The following AGRN variants were observed in gnomAD, a reference collection of about 807,000 sequenced individuals.
AGRN encodes agrin.
In AGRN, 106 loss-of-function variants were observed where a neutral mutation model predicts 211.0. The observed-to-expected ratio is 0.50, with a 90% CI of 0.43 to 0.59. The LOEUF (loss-of-function observed/expected upper bound fraction) is 0.59, where lower values mean the gene tolerates loss of function less well. AGRN is among the 20% of genes least tolerant of loss of function. The pLI is 0.00. For missense variants in AGRN, 3,040 were observed against 2,982.6 expected (o/e 1.02, Z -0.45); for synonymous variants, 1,525 against 1,332.5 (o/e 1.14, Z -3.15).
At chr1:1,028,596 G>GGGCCT (rs1184589499) in intron 2 of AGRN, among the ~76,000 whole-genome samples, 1 of 121,348 alleles carries the variant, frequency 8.2e-6, no homozygotes, top group South Asian at 3.1e-4. Context: ...GCCCCTCGTG[G>GGGCCT]GCCAAGGGCG....
At chr1:1,052,179 T>A in intron 33 of AGRN, 2 of 859,734 alleles carry the variant, frequency 2.3e-6, no homozygotes, top group Non-Finnish European at 3.3e-6. Context: ...GCCTCAGAAG[T>A]GCAGTCGCCC....
Position 1,046,211 on chromosome 1 carries a change from A to G in AGRN, c.2857A>G (p.Ile953Val). 6.2e-7 allele frequency: 1 copy of G among 1,613,600 alleles called. No individual in the cohort carries two copies. Among genetic ancestry groups the G allele is most frequent in the Non-Finnish European group, 8.5e-7 (1 of 1,179,974 alleles). ...CGGCAACGAGTGTCAGCTGAAGACC[A>G]TCGCCTGCCGCCAGGGCCTGCAAAT... ...TYGNECQLKT[I>V]ACRQGLQISI... Residue 953 changes from isoleucine (I) to valine (V), a missense_variant, in exon 17 of 36, where the codon ATC (isoleucine) becomes GTC (valine). Around this residue, in one of 3 missense-constraint regions of AGRN, gnomAD observed 1,498 missense variants for 1,457.8 expected, o/e 1.03. Coordinates refer to ENST00000379370, the MANE Select transcript of AGRN (RefSeq NM_198576.4).
intron 2 of AGRN, chr1:1,034,301 C>A: frequency 1.0e-6 from 1 of 985,260 alleles, no homozygotes; most frequent in Admixed American, 6.1e-5. Context: ...CCAGTCCCTC[C>A]TCCGCCTACC....
intron 3 of AGRN, among the ~76,000 whole-genome samples, chr1:1,036,850 G>A (rs920050041): frequency 2.1e-4 from 32 of 152,294 alleles, no homozygotes; most frequent in Non-Finnish European, 2.8e-4. Flanking sequence ...CATGCCGGTG[G>A]GGTTGCTGTC....
At chr1:1,052,921 C>T (rs1281078995) in intron 33 of AGRN, 2 of 163,444 alleles carry the variant, frequency 1.2e-5, no homozygotes, top group Non-Finnish European at 2.6e-5. Context: ...CGTGTATATG[C>T]GTGTATATAT....
intron 2 of AGRN, among the ~76,000 whole-genome samples, chr1:1,029,413 G>GGATCAGTGTCTATGCAGGCAGGTGGGGT: frequency 7.2e-6 from 1 of 139,242 alleles, no homozygotes; most frequent in South Asian, 2.7e-4. Context: ...GCAGGTGGGG[G>GGATCAGTGTCTATGCAGGCAGGTGGGGT]GGACATCAGT....
chr1:1,028,267 T>C (rs1644562585), intron 2 of AGRN, among the ~76,000 whole-genome samples: 1 of 148,994 alleles, frequency 6.7e-6, no homozygotes, highest in South Asian at 2.1e-4. Context: ...AGCTGATTCC[T>C]GCCTCGGAGC....
In AGRN at chr1:1,048,482, G is replaced by A; in HGVS notation, c.4105+117G>A. 1 of 944,716 alleles carries A rather than the reference G, an allele frequency of 1.1e-6. No homozygotes were observed. Among genetic ancestry groups the A allele is most frequent in the Non-Finnish European group, 1.5e-6 (1 of 659,172 alleles). 58.5% of individuals were successfully genotyped at this position (944,716 alleles called of 1,614,324 possible). A position where few individuals can be genotyped will look rare whatever the true frequency, so the allele number is the denominator to read the frequency against. On this transcript the variant is annotated intron_variant, in intron 23 of 35. Coordinates refer to ENST00000379370, the MANE Select transcript of AGRN (RefSeq NM_198576.4). This position sits in a 1 kb window ranked among gnomAD's most constrained non-coding sequence, Gnocchi z 5.9. ...GGGGGCAGGAGCCCGGATTAAGGCG[G>A]GGTTTCGGCCAGATGCGGTGGCTCA...
rs202044171 is a variant in AGRN, at chr1:1,035,260, G to A, written c.464-17G>A. On this transcript the variant is annotated splice_polypyrimidine_tract_variant and intron_variant, in intron 2 of 35. Transcript: ENST00000379370. ...CCTGCTCAGAGGAGCCTAACTTGGG[G>A]ATTTGTTTTCTTCCAGATAAACCCG... The A allele has an allele frequency of 3.7e-4, 597 of 1,612,972 alleles. 1 individual carries two copies. The African/African-American group carries it at 6.8e-3, about 18-fold the overall frequency.
Position 1,050,890 on chromosome 1 carries a change from C to G in AGRN, c.5253+53C>G, listed in dbSNP as rs548718325. The stretch of plus-strand genomic sequence containing the variant: ...CCCGCTGCTGCCTGCTCTTCCTCCT[C>G]GGGCGGCAGCCCCGCCCCTGCCGGC... On this transcript the variant is annotated intron_variant, in intron 30 of 35. Coordinates refer to ENST00000379370, the MANE Select transcript of AGRN (RefSeq NM_198576.4). 9 of 1,517,860 alleles carry G rather than the reference C, an allele frequency of 5.9e-6. No homozygotes were observed. The East Asian group carries it at 1.7e-4, about 29-fold the overall frequency. 94.0% of individuals were successfully genotyped at this position (1,517,860 alleles called of 1,614,324 possible).
intron 3 of AGRN, among the ~76,000 whole-genome samples, chr1:1,038,999 G>A (rs1340696176): frequency 3.3e-5 from 5 of 152,322 alleles, no homozygotes; most frequent in Middle Eastern, 3.4e-3. Context: ...GCCACATAGC[G>A]CTGTGTGCTG....
chr1:1,030,142 CATGTGTGT>C (rs1557688890), intron 2 of AGRN, among the ~76,000 whole-genome samples: 1 of 7,472 alleles, frequency 1.3e-4, no homozygotes, highest in Non-Finnish European at 3.7e-4. Context: ...GTGAGATCAG[CATGTGTGT>C]GTGTGTGTGT....
chr1:1,034,038 C>G, intron 2 of AGRN: 1 of 835,580 alleles, frequency 1.2e-6, no homozygotes, highest in Non-Finnish European at 1.4e-6. Flanking sequence ...TGGAGGGAGC[C>G]CGGGACCCGG....
Position 1,050,279 on chromosome 1 carries a change from C to T in AGRN, c.4926C>T (p.Gly1642=), listed in dbSNP as rs913430866. 10 of 1,612,992 alleles carry T rather than the reference C, an allele frequency of 6.2e-6. No homozygotes were observed. The African/African-American group carries it at 6.7e-5, about 11-fold the overall frequency. Residue 1642 remains glycine (G), a synonymous_variant, in exon 28 of 36, where the codon GGC becomes GGT. Coordinates refer to ENST00000379370, the MANE Select transcript of AGRN (RefSeq NM_198576.4). ...GSGPFLADFN[G]FSHLELRGLH... ...GGCCCTTCCTGGCTGACTTCAACGG[C>T]TTCTCCCACCTGGAGCTGAGAGGCC... is the stretch of plus-strand genomic sequence containing the variant.
At chr1:1,035,132 T>G (rs1644770107) in intron 2 of AGRN, 145 bp from the exon 3 acceptor site, 1 of 914,840 alleles carries the variant, frequency 1.1e-6, no homozygotes, top group Non-Finnish European at 1.7e-6. Context: ...GGGTCAGGGC[T>G]GGACCCTTCA....
At chr1:1,024,690 TC>T (rs1644480501) in intron 2 of AGRN, among the ~76,000 whole-genome samples, 1 of 152,106 alleles carries the variant, frequency 6.6e-6, no homozygotes, top group South Asian at 2.1e-4. Flanking sequence ...ACTGAGGACT[TC>T]CTTTCCTCAG....
chr1:1,053,836 C>G lies in AGRN; in HGVS notation c.5735C>G (p.Ala1912Gly). 2 of 1,610,704 alleles carry G rather than the reference C, an allele frequency of 1.2e-6. No homozygotes were observed. The highest frequency in any genetic ancestry group is 1.7e-6 in the Non-Finnish European group (2 of 1,179,208). The change falls in exon 34 of 36, where the codon GCC becomes GGC. Residue 1912 changes from alanine to glycine, a missense_variant. By Grantham distance (60) the Ala-to-Gly change is moderately conservative. This residue lies in a region of AGRN where 1,537 missense variants were observed against 1,505.0 expected (regional missense o/e 1.02). Transcript: ENST00000379370. ...GGGCTGGTGCTCTGGAGTGGCAAGG[C>G]CACGGAGCGGGCAGACTATGTGGCA... ...TQGLVLWSGK[A>G]TERADYVALA...
At chr1:1,041,870 GCCTGCTCC>G (rs1224535673) in intron 6 of AGRN, 78 bp from the exon 7 acceptor site, 3 of 1,581,000 alleles carry the variant, frequency 1.9e-6, no homozygotes, top group South Asian at 1.1e-5. Context: ...TGGGAGGGCC[GCCTGCTCC>G]CCTGCTCCCT....
chr1:1,048,927 G>A lies in AGRN; in HGVS notation c.4166G>A (p.Arg1389His), dbSNP rs763237870. 1.9e-6 allele frequency: 3 copies of A among 1,561,298 alleles called. No individual in the cohort carries two copies. Among genetic ancestry groups the A allele is most frequent in the Non-Finnish European group, 2.6e-6 (3 of 1,154,112 alleles). The change falls in exon 24 of 36, where the codon CGC becomes CAC. Residue 1389 changes from arginine (R) to histidine (H), a missense_variant. Physicochemically the swap from Arg to His is conservative, Grantham distance 29 (BLOSUM62 0). Around this residue, in one of 3 missense-constraint regions of AGRN, gnomAD observed 1,537 missense variants for 1,505.0 expected, o/e 1.02. Coordinates refer to ENST00000379370, the MANE Select transcript of AGRN (RefSeq NM_198576.4). This position sits in a 1 kb window ranked among gnomAD's most constrained non-coding sequence, Gnocchi z 5.9. ...TCCTTCCTGGCCTTCCCCACTCTCC[G>A]CGCCTACCACACGCTGCGCCTGGCA... is the stretch of plus-strand genomic sequence containing the variant. ...GRSFLAFPTL[R>H]AYHTLRLALE...
Sources: allele counts gnomAD v4.1 joint callset (sites outside exome capture counted in the v4.1 genomes callset), GRCh38; gene constraint gnomAD v4.1.1; regional missense constraint gnomAD v4.1.1; non-coding constraint Gnocchi (gnomAD v3.1); transcripts MANE v1.5; gene names NCBI Gene and HGNC (gene_info 2026-07-23, HGNC 2026-07-21).